Variants in IGFN1 observed in about 807,000 individuals in gnomAD.
IGFN1 encodes immunoglobulin-like and fibronectin type III domain-containing protein 1.
IGFN1 carries 253 observed loss-of-function variants against 289.5 expected under a neutral mutation model. The observed-to-expected ratio is 0.87, with a 90% CI of 0.79 to 0.97. IGFN1 has a LOEUF of 0.97. IGFN1 is among the 50% of genes least tolerant of loss of function. The pLI is 0.00. For synonymous variants in IGFN1, 1,706 were observed against 1,788.5 expected (o/e 0.95, Z 1.16); for missense variants, 4,470 against 4,686.1 (o/e 0.95, Z 1.35).
chr1:201,222,923 T>C, intron 20 of IGFN1, 96 bp downstream of exon 20: 1 of 749,330 alleles, frequency 1.3e-6, no homozygotes, highest in East Asian at 2.8e-5. Context: ...TGTTCCTTTT[T>C]GGCCCCTAGT....
At chr1:201,199,758 C>T (rs1394614180) in intron 7 of IGFN1, 104 bp downstream of exon 7, 1 of 954,018 alleles carries the variant, frequency 1.0e-6, no homozygotes, top group East Asian at 2.6e-5. Context: ...CTACCCAACA[C>T]AGCAGGGAGC....
In IGFN1 at chr1:201,208,111, C is replaced by T. The variant is rs984402133; in HGVS notation, c.3218C>T (p.Ser1073Leu). Residue 1073 changes from serine (S) to leucine (L), a missense_variant, in exon 12 of 24, where the codon TCA (serine) becomes TTA (leucine). This residue lies in a region of IGFN1 where 2,011 missense variants were observed against 1,953.4 expected (regional missense o/e 1.03). Coordinates refer to ENST00000335211, the MANE Select transcript of IGFN1 (RefSeq NM_001164586.2). ...ATGGACCCTAGGGGAGGGCACCATT[C>T]AGATGGTGGCCTAGGGAGTCCTGGG... ...AGMDPRGGHHSDGGLGSPGVT... is the reference protein window; with the variant it reads ...AGMDPRGGHHLDGGLGSPGVT... The T allele has an allele frequency of 1.3e-6, 2 of 1,536,730 alleles. No homozygotes were observed. The highest frequency in any genetic ancestry group is 1.7e-6 in the Non-Finnish European group (2 of 1,146,788).
intron 8 of IGFN1, 123 bp downstream of exon 8, chr1:201,200,534 T>C: frequency 2.6e-6 from 2 of 761,732 alleles, no homozygotes; most frequent in South Asian, 3.6e-5. Context: ...TCAAGGGGCC[T>C]GTCTCCATCT....
chr1:201,198,660 C>T (rs1667014285), intron 5 of IGFN1, among the ~76,000 whole-genome samples: 1 of 152,092 alleles, frequency 6.6e-6, no homozygotes, highest in African/African-American at 2.4e-5. Context: ...CTCCTGGGCT[C>T]AAGCTATCCT....
chr1:201,203,109 T>C (rs1195461576), intron 9 of IGFN1, among the ~76,000 whole-genome samples: 1 of 152,164 alleles, frequency 6.6e-6, no homozygotes. Context: ...ATCTATTATT[T>C]ATATTTTTCC....
At position 201,211,902 on chromosome 1, in the gene IGFN1, G is replaced by A. The variant is rs567333938; in HGVS notation, c.7009G>A (p.Glu2337Lys). ...GGTSGMGSGSEVSYRGGSGGS... is the reference protein window; with the variant it reads ...GGTSGMGSGSKVSYRGGSGGS... ...AACTAGTGGCATGGGGTCAGGGAGT[G>A]AGGTCAGTTATAGAGGAGGCTCAGG... Residue 2337 changes from glutamate (E) to lysine (K), a missense_variant, in exon 12 of 24, where the codon GAG (glutamate) becomes AAG (lysine). This residue lies in a region of IGFN1 where 2,218 missense variants were observed against 2,114.1 expected (regional missense o/e 1.05). Coordinates refer to ENST00000335211, the MANE Select transcript of IGFN1 (RefSeq NM_001164586.2). 1.1e-5 allele frequency: 17 copies of A among 1,528,916 alleles called. No homozygotes were observed. In the African/African-American group the frequency reaches 1.8e-4, roughly 16 times the overall value. 94.7% of individuals were successfully genotyped at this position (1,528,916 alleles called of 1,614,324 possible).
At chr1:201,216,057 G>A (rs934274064) in intron 15 of IGFN1, 9 of 718,898 alleles carry the variant, frequency 1.3e-5, no homozygotes, top group East Asian at 5.4e-5. Flanking sequence ...GGGAGGAGCC[G>A]GTTATGCTTC....
In IGFN1 at chr1:201,208,978, G is replaced by T. The variant is rs566950295; in HGVS notation, c.4085G>T (p.Gly1362Val). 7 of 1,535,836 alleles carry T rather than the reference G, an allele frequency of 4.6e-6. No homozygotes were observed. The South Asian group carries it at 8.3e-5, about 18-fold the overall frequency. Residue 1362 changes from glycine to valine, a missense_variant, in exon 12 of 24, where the codon GGT (glycine) becomes GTT (valine). Physicochemically the swap from Gly to Val is moderately radical, Grantham distance 109 (BLOSUM62 -3). Transcript: ENST00000335211. ...AGSGSKADYS[G>V]GLKGSREIGS... ...TCAGGGAGCAAGGCAGATTATAGCG[G>T]TGGTTTAAAGGGTTCCAGGGAAATC...
rs374099615 is a variant in IGFN1 at position 201,227,050 on chromosome 1, G to A, written c.10955G>A (p.Arg3652His). 2.4e-4 allele frequency: 387 copies of A among 1,613,544 alleles called. No individual in the cohort carries two copies. Among genetic ancestry groups the A allele is most frequent in the East Asian group, 4.2e-4 (19 of 44,902 alleles). Residue 3652 changes from arginine to histidine, a missense_variant, in exon 23 of 24, where the codon CGC becomes CAC. Physicochemically the swap from Arg to His is conservative, Grantham distance 29 (BLOSUM62 0). Around this residue, in one of 8 missense-constraint regions of IGFN1, gnomAD observed 2,218 missense variants for 2,114.1 expected, o/e 1.05. Transcript: ENST00000335211. ...RPHVTWFKND[R>H]SLEGNPAVYS... ...CACGTCACCTGGTTCAAGAATGACC[G>A]CAGCCTGGAAGGAAACCCCGCGGTG... is the stretch of plus-strand genomic sequence containing the variant.
intron 5 of IGFN1, among the ~76,000 whole-genome samples, chr1:201,198,974 G>C (rs2102322037): frequency 6.6e-6 from 1 of 152,348 alleles, no homozygotes; most frequent in African/African-American, 2.4e-5. Context: ...CTCCCAGGTG[G>C]AGTGAAAGAG....
Position 201,210,655 on chromosome 1 carries a change from T to C in IGFN1, c.5762T>C (p.Val1921Ala). 2 of 1,499,320 alleles carry C rather than the reference T, an allele frequency of 1.3e-6. No homozygotes were observed. Among genetic ancestry groups the C allele is most frequent in the Non-Finnish European group, 8.8e-7 (1 of 1,132,304 alleles). The allele number at this position is 1,499,320 out of a possible 1,614,324, so 92.9% of individuals were successfully genotyped here. The change falls in exon 12 of 24, where the codon GTG becomes GCG. Residue 1921 changes from valine (V) to alanine (A), a missense_variant. Physicochemically the swap from Val to Ala is moderately conservative, Grantham distance 64. Coordinates refer to ENST00000335211, the MANE Select transcript of IGFN1 (RefSeq NM_001164586.2). ...GLGSSVEMGS[V>A]NEAGYRKDLG... ...GGGAGTTCTGTAGAAATGGGGTCAG[T>C]GAATGAGGCAGGTTATAGGAAGGAT...
Position 201,212,142 on chromosome 1 carries a change from G to A in IGFN1, c.7249G>A (p.Gly2417Arg), listed in dbSNP as rs1302860303. The A allele has an allele frequency of 6.5e-7, 1 of 1,536,380 alleles. No individual in the cohort carries two copies. Among genetic ancestry groups the A allele is most frequent in the East Asian group, 2.4e-5 (1 of 40,910 alleles). Residue 2417 changes from glycine to arginine, a missense_variant, in exon 12 of 24, where the codon GGG becomes AGG. By Grantham distance (125) the Gly-to-Arg change is moderately radical (BLOSUM62 -2). Around this residue, in one of 8 missense-constraint regions of IGFN1, gnomAD observed 2,218 missense variants for 2,114.1 expected, o/e 1.05. Coordinates refer to ENST00000335211, the MANE Select transcript of IGFN1 (RefSeq NM_001164586.2). Reference sequence around the variant, plus strand: ...AGCCAGGGAAACCAGGCTTGTGGATGGGGCAGGACCTGGGGTGGAACCTGG... The same window carrying A: ...AGCCAGGGAAACCAGGCTTGTGGATAGGGCAGGACCTGGGGTGGAACCTGG... Reference protein sequence around the residue: ...ERARETRLVDGAGPGVEPGMA... With the variant: ...ERARETRLVDRAGPGVEPGMA...
chr1:201,213,139 C>T lies in IGFN1; in HGVS notation c.8246C>T (p.Ala2749Val). 9.0e-6 allele frequency: 14 copies of T among 1,551,630 alleles called. No individual in the cohort carries two copies. The highest frequency in any genetic ancestry group is 1.2e-5 in the Non-Finnish European group (14 of 1,146,980). ...NGLDGPFGRK[A>V]SRDRSGGTQD... Reference sequence around the variant, plus strand: ...TTAGATGGTCCCTTTGGCAGAAAAGCCTCTAGAGATAGGTCAGGAGGGACC... The same window carrying T: ...TTAGATGGTCCCTTTGGCAGAAAAGTCTCTAGAGATAGGTCAGGAGGGACC... The change falls in exon 12 of 24, where the codon GCC becomes GTC. Residue 2749 changes from alanine to valine, a missense_variant. By Grantham distance (64) the Ala-to-Val change is moderately conservative. Around this residue, in one of 8 missense-constraint regions of IGFN1, gnomAD observed 2,218 missense variants for 2,114.1 expected, o/e 1.05. Coordinates refer to ENST00000335211, the MANE Select transcript of IGFN1 (RefSeq NM_001164586.2).
At position 201,211,174 on chromosome 1, in the gene IGFN1, G is replaced by T. The variant is rs183972024; in HGVS notation, c.6281G>T (p.Gly2094Val). The T allele has an allele frequency of 2.0e-6, 3 of 1,530,412 alleles. No individual in the cohort carries two copies. The African/African-American group carries it at 4.2e-5, about 21-fold the overall frequency. The allele number at this position is 1,530,412 out of a possible 1,614,324, so 94.8% of individuals were successfully genotyped here. A position where few individuals can be genotyped will look rare whatever the true frequency, so the allele number is the denominator to read the frequency against. Residue 2094 changes from glycine to valine, a missense_variant, in exon 12 of 24, where the codon GGT (glycine) becomes GTT (valine). Transcript: ENST00000335211. ...SKTGFRDGLGGSEEMESMDEA... is the reference protein window; with the variant it reads ...SKTGFRDGLGVSEEMESMDEA... ...ACAGGTTTCAGGGATGGTTTAGGGGGTTCTGAAGAAATGGAGTCAATGGAT... is the reference window on the plus strand; with the variant it reads ...ACAGGTTTCAGGGATGGTTTAGGGGTTTCTGAAGAAATGGAGTCAATGGAT...
Position 201,209,907 on chromosome 1 carries a change from G to A in IGFN1, c.5014G>A (p.Ala1672Thr), listed in dbSNP as rs1204680073. 1.4e-6 allele frequency: 2 copies of A among 1,465,224 alleles called. No homozygotes were observed. Among genetic ancestry groups the A allele is most frequent in the African/African-American group, 1.4e-5 (1 of 69,390 alleles). 90.8% of individuals were successfully genotyped at this position (1,465,224 alleles called of 1,614,324 possible). A position where few individuals can be genotyped will look rare whatever the true frequency, so the allele number is the denominator to read the frequency against. ...TGGGGAAATGGGGTCAATGGATGAG[G>A]CAGGTTATAGGAAGAATTTGGGGGC... ...SSGEMGSMDE[A>T]GYRKNLGAPE... Residue 1672 changes from alanine (A) to threonine (T), a missense_variant, in exon 12 of 24, where the codon GCA becomes ACA. By Grantham distance (58) the Ala-to-Thr change is moderately conservative. Around this residue, in one of 8 missense-constraint regions of IGFN1, gnomAD observed 49 missense variants for 62.6 expected, o/e 0.78. Transcript: ENST00000335211.
chr1:201,203,794 G>A lies in IGFN1; in HGVS notation c.804G>A (p.Arg268=), dbSNP rs1319377478. ...FNNQTKHCLR[R]LGKRYEFQIQ... is the part of the protein sequence containing the mutation. Reference sequence around the variant, plus strand: ...ACCAAACCAAGCACTGTCTGCGCCGGCTGGGGAAGCGCTATGAGTTCCAGA... The same window carrying A: ...ACCAAACCAAGCACTGTCTGCGCCGACTGGGGAAGCGCTATGAGTTCCAGA... The change falls in exon 10 of 24, where the codon CGG becomes CGA. Residue 268 remains arginine (R), a synonymous_variant. Coordinates refer to ENST00000335211, the MANE Select transcript of IGFN1 (RefSeq NM_001164586.2). 6.4e-7 allele frequency: 1 copy of A among 1,551,722 alleles called. No individual in the cohort carries two copies. Among genetic ancestry groups the A allele is most frequent in the Admixed American group, 2.0e-5 (1 of 51,010 alleles).
At position 201,212,476 on chromosome 1, in the gene IGFN1, T is replaced by C; in HGVS notation, c.7583T>C (p.Leu2528Pro). Residue 2528 changes from leucine to proline, a missense_variant, in exon 12 of 24, where the codon CTT becomes CCT. Leu to Pro is a moderately conservative substitution (Grantham distance 98). Coordinates refer to ENST00000335211, the MANE Select transcript of IGFN1 (RefSeq NM_001164586.2). ...GGGATAATGGGGGCTTCTGGGTTTC[T>C]TGATGGCAAGGGGGCAGTGGAAGGT... ...QAGIMGASGF[L>P]DGKGAVEGET... is the part of the protein sequence containing the mutation. 8 of 1,539,878 alleles carry C rather than the reference T, an allele frequency of 5.2e-6. No individual in the cohort carries two copies. The highest frequency in any genetic ancestry group is 7.0e-6 in the Non-Finnish European group (8 of 1,146,814).
chr1:201,206,883 G>C lies in IGFN1; in HGVS notation c.1990G>C (p.Ala664Pro), dbSNP rs79876432. ...GGGTGGTGGGACTGGCCTGGGAGAA[G>C]CTGGAGACAGCAATGGGGCAGGAGG... Reference protein sequence around the residue: ...VWGGGTGLGEAGDSNGAGGPG... With the variant: ...VWGGGTGLGEPGDSNGAGGPG... The change falls in exon 12 of 24, where the codon GCT (alanine) becomes CCT (proline). Residue 664 changes from alanine (A) to proline (P), a missense_variant. Transcript: ENST00000335211. The C allele has an allele frequency of 2.3e-3, 3,529 of 1,536,354 alleles. 80 individuals are homozygous for C. The African/African-American group carries it at 0.042, about 18-fold the overall frequency.
At chr1:201,199,095 G>A (rs979202939) in intron 5 of IGFN1, among the ~76,000 whole-genome samples, 2 of 152,178 alleles carry the variant, frequency 1.3e-5, no homozygotes, top group Non-Finnish European at 2.9e-5. Flanking sequence ...TCCCCTGCAT[G>A]AGATGATGCT....
Sources: gnomAD v4.1 joint callset for allele counts (sites outside exome capture counted in the v4.1 genomes callset) on GRCh38, gnomAD v4.1.1 for gene constraint, gnomAD v4.1.1 regional missense constraint, MANE v1.5 for transcripts, NCBI Gene and HGNC (gene_info 2026-07-23, HGNC 2026-07-21) for gene names.